RHOBTB3: variants seen among roughly 807,000 people sequenced by gnomAD.
RHOBTB3 encodes Rho related BTB domain containing 3, also known as rho-related BTB domain-containing protein 3.
RHOBTB3 carries 47 observed loss-of-function variants against 67.2 expected under a neutral mutation model. The ratio of observed to expected loss-of-function variants is 0.70; its 90% CI spans 0.55 to 0.89. The LOEUF is 0.89. Among genes scored for constraint, RHOBTB3 ranks in the 40% least tolerant of loss-of-function variants. The probability of loss-of-function intolerance (pLI) is 0.00; values close to 1 mark genes in which losing one functional copy is unlikely to be tolerated. For synonymous variants in RHOBTB3, 273 were observed against 274.2 expected, an observed-to-expected ratio of 1.00 and a Z score of 0.04; for missense variants, 631 against 750.0, an observed-to-expected ratio of 0.84 and a Z score of 1.85.
chr5:95,738,660 T>C (rs545820738), intron 3 of RHOBTB3, among the ~76,000 whole-genome samples: 8 of 152,282 alleles, frequency 5.3e-5, no homozygotes, highest in Admixed American at 5.2e-4. Context: ...CACCAGATGC[T>C]AGCACCTTGA....
intron 7 of RHOBTB3, among the ~76,000 whole-genome samples, chr5:95,764,071 A>G (rs1745470218): frequency 6.6e-6 from 1 of 152,280 alleles, no homozygotes; most frequent in Non-Finnish European, 1.5e-5. Context: ...TAGCCTCCCA[A>G]GGTGCTGGGA....
chr5:95,753,233 ATGTG>A (rs57615515), intron 5 of RHOBTB3, among the ~76,000 whole-genome samples: 56,441 of 146,368 alleles, frequency 0.39, 11,095 homozygotes, highest in East Asian at 0.7. Context: ...TGATGTGTGG[ATGTG>A]TGTGTGTGTG....
chr5:95,732,152 C>A (rs754122017), intron 2 of RHOBTB3, 68 bp downstream of exon 2: 7 of 1,415,864 alleles, frequency 4.9e-6, no homozygotes, highest in East Asian at 2.4e-5. Flanking sequence ...TCCCCCTCCC[C>A]CTTCTGCCCA....
upstream of RHOBTB3, chr5:95,731,288 C>G: frequency 2.8e-5 from 29 of 1,027,688 alleles, no homozygotes; most frequent in Non-Finnish European, 3.4e-5. Context: ...GCCCCGATCT[C>G]CCCGACCCCC....
intron 3 of RHOBTB3, among the ~76,000 whole-genome samples, chr5:95,747,380 CCTT>C (rs1189542686): frequency 6.6e-6 from 1 of 152,196 alleles, no homozygotes; most frequent in African/African-American, 2.4e-5. Flanking sequence ...CCCCAATTAA[CCTT>C]CTCCACACCA....
At chr5:95,726,739 A>G (rs75966684), upstream of RHOBTB3, among the ~76,000 whole-genome samples, 2,946 of 152,280 alleles carry the variant, frequency 0.019, 57 homozygotes, top group Non-Finnish European at 0.027. Context: ...CTGTAACAGT[A>G]GTTTACTTAA....
chr5:95,753,037 CAGG>C (rs1745136153), intron 5 of RHOBTB3, among the ~76,000 whole-genome samples: 5 of 151,946 alleles, frequency 3.3e-5, no homozygotes, highest in African/African-American at 1.2e-4. Context: ...GAGGCTGAGG[CAGG>C]AGAATGACGT....
chr5:95,744,517 G>A (rs901884467), intron 3 of RHOBTB3, among the ~76,000 whole-genome samples: 45 of 151,988 alleles, frequency 3.0e-4, no homozygotes, highest in Non-Finnish European at 2.2e-4. Context: ...CTCACTAAAC[G>A]TTTATTCAAT....
intron 6 of RHOBTB3, among the ~76,000 whole-genome samples, chr5:95,762,684 C>A (rs1429596041): frequency 6.6e-6 from 1 of 152,106 alleles, no homozygotes; most frequent in Non-Finnish European, 1.5e-5. Context: ...ATGTCATGAT[C>A]AGATTCGTGC....
At chr5:95,738,009 G>A (rs889156497) in intron 3 of RHOBTB3, among the ~76,000 whole-genome samples, 1 of 152,188 alleles carries the variant, frequency 6.6e-6, no homozygotes, top group South Asian at 2.1e-4. Flanking sequence ...GCTAATTTCA[G>A]TTAGCATAAT....
At chr5:95,750,206 T>C (rs1745048956) in intron 4 of RHOBTB3, among the ~76,000 whole-genome samples, 1 of 152,046 alleles carries the variant, frequency 6.6e-6, no homozygotes, top group Non-Finnish European at 1.5e-5. Flanking sequence ...AGGGTCAGAG[T>C]TGAAGAGCTG....
At chr5:95,760,659 G>A (rs17085057) in intron 6 of RHOBTB3, among the ~76,000 whole-genome samples, 6,876 of 152,250 alleles carry the variant, frequency 0.045, 200 homozygotes, top group East Asian at 0.095. Context: ...GCTTTAAGAA[G>A]TTAACTAAAG....
chr5:95,791,906 G>C (rs540434306), intron 11 of RHOBTB3, among the ~76,000 whole-genome samples: 1 of 152,170 alleles, frequency 6.6e-6, no homozygotes, highest in South Asian at 2.1e-4. Flanking sequence ...CTGTAACCTA[G>C]AATGCCTAAC....
chr5:95,717,730 G>A (rs951820674), exon 1 of RHOBTB3: 1 of 152,176 alleles, frequency 6.6e-6, no homozygotes, highest in Non-Finnish European at 1.5e-5. Context: ...GAGGAAGAAC[G>A]GGCCTGGAGG....
chr5:95,783,271 G>A (rs1368285376), intron 9 of RHOBTB3, among the ~76,000 whole-genome samples: 2 of 151,290 alleles, frequency 1.3e-5, no homozygotes, highest in South Asian at 2.1e-4. Context: ...ACAGGCGCCC[G>A]CCACCACACC....
At chr5:95,766,440 C>T (rs915528067) in intron 7 of RHOBTB3, among the ~76,000 whole-genome samples, 11 of 151,868 alleles carry the variant, frequency 7.2e-5, no homozygotes, top group African/African-American at 2.7e-4. Context: ...ATAACTAAGT[C>T]TTTCCAAATT....
rs1398954187 is a variant in RHOBTB3, at chr5:95,739,014, A to G, written c.415+1939A>G. 2.6e-5 allele frequency among the ~76,000 whole-genome samples: 4 copies of G among 151,704 alleles called. No individual in the cohort carries two copies. The East Asian group carries it at 5.8e-4, about 22-fold the overall frequency. On this transcript the variant is annotated intron_variant, in intron 3 of 11. Transcript: ENST00000379982. The stretch of plus-strand genomic sequence containing the variant: ...CCGTCCTTTGACCTCACCTGTTCTT[A>G]CTCTTCAGCCAAACCATTAACCTGC...
intron 8 of RHOBTB3, among the ~76,000 whole-genome samples, chr5:95,778,239 A>G (rs915088926): frequency 6.6e-6 from 1 of 152,168 alleles, no homozygotes; most frequent in African/African-American, 2.4e-5. Context: ...TAGTATTTGC[A>G]TGTAACCTAT....
intron 8 of RHOBTB3, 105 bp downstream of exon 8, chr5:95,768,271 C>A: frequency 9.2e-7 from 1 of 1,086,430 alleles, no homozygotes; most frequent in Non-Finnish European, 1.4e-6. Context: ...AATGATTATT[C>A]CCTACTGAGG....
Sources: allele counts gnomAD v4.1 joint callset (sites outside exome capture counted in the v4.1 genomes callset), GRCh38; gene constraint gnomAD v4.1.1; transcripts MANE v1.5; gene names NCBI Gene and HGNC (gene_info 2026-07-23, HGNC 2026-07-21).